The following SVEP1 variants were observed in gnomAD, a reference collection of about 807,000 sequenced individuals.
SVEP1 encodes the protein sushi, von Willebrand factor type A, EGF and pentraxin domain containing 1.
In SVEP1, 164 loss-of-function variants were observed where a neutral mutation model predicts 367.3. The ratio of observed to expected loss-of-function variants is 0.45; its 90% confidence interval spans 0.39 to 0.51. The LOEUF (loss-of-function observed/expected upper bound fraction) is 0.51, where lower values mean the gene tolerates loss of function less well. Among genes scored for constraint, SVEP1 ranks in the 20% least tolerant of loss-of-function variants. The probability of loss-of-function intolerance (pLI) is 0.00; values close to 1 mark genes in which losing one functional copy is unlikely to be tolerated. For missense variants in SVEP1, 4,117 were observed against 4,425.3 expected (o/e 0.93, Z 1.98); for synonymous variants, 1,666 against 1,611.6 (o/e 1.03, Z -0.81).
Position 110,447,057 on chromosome 9 carries a change from T to G in SVEP1, c.4104A>C (p.Arg1368Ser). Reference protein sequence around the residue: ...ATCKDGANSFRCLCAAGFTGS... With the variant: ...ATCKDGANSFSCLCAAGFTGS... ...CTGTGAAGCCAGCTGCACACAGGCA[T>G]CTGAAAGAAAACAAAATGTTGTAAC... Residue 1368 changes from arginine to serine, a missense_variant and splice_region_variant, in exon 25 of 48, where the codon AGA (arginine) becomes AGC (serine). By Grantham distance (110) the Arg-to-Ser change is moderately radical. This residue lies in a region of SVEP1 where 2,174 missense variants were observed against 2,494.3 expected (regional missense o/e 0.87). Transcript: ENST00000374469. The G allele has an allele frequency of 6.7e-7, 1 of 1,481,644 alleles. No homozygotes were observed. The highest frequency in any genetic ancestry group is 8.9e-7 in the Non-Finnish European group (1 of 1,117,742). 91.8% of individuals were successfully genotyped at this position (1,481,644 alleles called of 1,614,324 possible).
intron 5 of SVEP1, among the ~76,000 whole-genome samples, chr9:110,507,731 G>A (rs570702876): frequency 1.3e-5 from 2 of 152,242 alleles, no homozygotes; most frequent in South Asian, 4.1e-4. Context: ...CTTTTATTGA[G>A]TGTGTCCTTC....
At position 110,408,065 on chromosome 9, in the gene SVEP1, G is replaced by A. The variant is rs200375910; in HGVS notation, c.7535C>T (p.Thr2512Met). 76 of 1,613,322 alleles carry A rather than the reference G, an allele frequency of 4.7e-5. No individual in the cohort carries two copies. Among genetic ancestry groups the A allele is most frequent in the Middle Eastern group, 1.6e-4 (1 of 6,062 alleles). The stretch of plus-strand genomic sequence containing the variant: ...AACGGTCTGTCCATAGTGTAGGTCC[G>A]TGTAAGAGAATTTGCCATTCAAAAT... ...KEILNGKFSY[T>M]DLHYGQTVTY... Residue 2512 changes from threonine (T) to methionine (M), a missense_variant, in exon 38 of 48, where the codon ACG becomes ATG. This residue lies in a region of SVEP1 where 1,765 missense variants were observed against 1,781.1 expected (regional missense o/e 0.99). Transcript: ENST00000374469.
chr9:110,450,644 AT>A (rs367645595), intron 23 of SVEP1, among the ~76,000 whole-genome samples: 5,226 of 144,862 alleles, frequency 0.036, 85 homozygotes, highest in Middle Eastern at 0.062. Flanking sequence ...TAATTTTTGT[AT>A]TTTTTTTTTA....
intron 7 of SVEP1, 34 bp downstream of exon 7, chr9:110,499,007 T>A (rs376204235): frequency 5.1e-6 from 8 of 1,581,744 alleles, no homozygotes; most frequent in Non-Finnish European, 6.9e-6. Flanking sequence ...TATTAAAAAA[T>A]TTGATTTTTA....
At chr9:110,543,839 A>T (rs1267982199) in intron 3 of SVEP1, among the ~76,000 whole-genome samples, 1 of 152,144 alleles carries the variant, frequency 6.6e-6, no homozygotes, top group Admixed American at 6.6e-5. Context: ...TGGGCTGTTG[A>T]TGAGAGTGTG....
At chr9:110,534,501 CT>C (rs1440950286) in intron 3 of SVEP1, among the ~76,000 whole-genome samples, 2 of 152,144 alleles carry the variant, frequency 1.3e-5, no homozygotes, top group East Asian at 3.8e-4. Flanking sequence ...ATGCATGTGT[CT>C]TTATGGTAGA....
intron 20 of SVEP1, chr9:110,458,022 G>T (rs1828803551): frequency 7.2e-6 from 3 of 416,024 alleles, no homozygotes; most frequent in Non-Finnish European, 1.4e-5. Flanking sequence ...CTTAATTTAT[G>T]TTTCTTAATT....
chr9:110,481,925 C>G (rs993316243), intron 11 of SVEP1, among the ~76,000 whole-genome samples: 1 of 152,064 alleles, frequency 6.6e-6, no homozygotes, highest in Non-Finnish European at 1.5e-5. Context: ...ATTGGCCAGG[C>G]TGGTCTCAAA....
At chr9:110,410,184 G>T (rs1029748881) in intron 37 of SVEP1, among the ~76,000 whole-genome samples, 1 of 152,172 alleles carries the variant, frequency 6.6e-6, no homozygotes, top group Non-Finnish European at 1.5e-5. Context: ...AAGGAGAAAA[G>T]GTTGTACTGT....
At chr9:110,532,431 G>C (rs1035390574) in intron 3 of SVEP1, among the ~76,000 whole-genome samples, 1 of 152,010 alleles carries the variant, frequency 6.6e-6, no homozygotes, top group Non-Finnish European at 1.5e-5. Context: ...AGAAATGAAC[G>C]GACACACAAG....
In SVEP1 at chr9:110,434,483, C is replaced by A. The variant is rs372374743; in HGVS notation, c.4912G>T (p.Val1638Leu). The change falls in exon 30 of 48, where the codon GTG (valine) becomes TTG (leucine). Residue 1638 changes from valine to leucine, a missense_variant. By Grantham distance (32) the Val-to-Leu change is conservative. This residue lies in a region of SVEP1 where 2,174 missense variants were observed against 2,494.3 expected (regional missense o/e 0.87). Transcript: ENST00000374469. ...TCAGATGCAGTTCTCAGATGAGGCACTGACCCTCCTAAGCGTGGGCAATCT... is the reference window on the plus strand; with the variant it reads ...TCAGATGCAGTTCTCAGATGAGGCAATGACCCTCCTAAGCGTGGGCAATCT... ...CSDCPRLGGS[V>L]PHLRTASEDL... 4 of 1,613,254 alleles carry A rather than the reference C, an allele frequency of 2.5e-6. No homozygotes were observed. Among genetic ancestry groups the A allele is most frequent in the Admixed American group, 1.7e-5 (1 of 59,940 alleles).
intron 3 of SVEP1, among the ~76,000 whole-genome samples, chr9:110,544,254 A>T (rs978901261): frequency 6.6e-6 from 1 of 152,204 alleles, no homozygotes; most frequent in Non-Finnish European, 1.5e-5. Flanking sequence ...GAATAAAATA[A>T]TGTTCACACG....
chr9:110,560,997 C>CA (rs1293073971), intron 1 of SVEP1, among the ~76,000 whole-genome samples: 1 of 152,160 alleles, frequency 6.6e-6, no homozygotes, highest in Non-Finnish European at 1.5e-5. Flanking sequence ...CCTCCATCTA[C>CA]AAAATAAAAT....
intron 3 of SVEP1, among the ~76,000 whole-genome samples, chr9:110,516,971 T>G (rs1433189655): frequency 6.6e-6 from 1 of 152,144 alleles, no homozygotes; most frequent in African/African-American, 2.4e-5. Flanking sequence ...GAAATTAAGA[T>G]ACTCATAAAG....
rs2118631009 is a variant in SVEP1 at position 110,457,290 on chromosome 9, A to G, written c.3639T>C (p.Arg1213=). 2 of 1,612,882 alleles carry G rather than the reference A, an allele frequency of 1.2e-6. No individual in the cohort carries two copies. The highest frequency in any genetic ancestry group is 1.7e-6 in the Non-Finnish European group (2 of 1,179,650). The stretch of plus-strand genomic sequence containing the variant: ...CAAGTGGACAGAGACAAACATAACC[A>G]CGCCCAAGTTGCTGGCAGGTTCCAC... The part of the protein sequence containing the change: ...HNSGTCQQLG[R]GYVCLCPLGY... Residue 1213 remains arginine, a synonymous_variant, in exon 21 of 48, where the codon CGT becomes CGC. Transcript: ENST00000374469.
At position 110,499,234 on chromosome 9, in the gene SVEP1, G is replaced by A; in HGVS notation, c.1488C>T (p.Arg496=). The change falls in exon 7 of 48, where the codon CGC becomes CGT. Residue 496 remains arginine, a synonymous_variant. Transcript: ENST00000374469. ...TGGGCATCTGAAAGGTGGAACAGTG[G>A]CGCTCTACGGTAGGGAAACAGAGAG... ...WDGPEPRCVE[R]HCSTFQMPKD... is the part of the protein sequence containing the mutation. 1 of 1,611,842 alleles carries A rather than the reference G, an allele frequency of 6.2e-7. No homozygotes were observed. The highest frequency in any genetic ancestry group is 8.5e-7 in the Non-Finnish European group (1 of 1,178,582).
In SVEP1 at chr9:110,407,040, C is replaced by G. The variant is rs1271125048; in HGVS notation, c.8560G>C (p.Glu2854Gln). 6.2e-7 allele frequency: 1 copy of G among 1,613,962 alleles called. No homozygotes were observed. The highest frequency in any genetic ancestry group is 8.5e-7 in the Non-Finnish European group (1 of 1,179,878). ...VRGDEYTFQK[E>Q]IEYTCNEGFL... Reference sequence around the variant, plus strand: ...CCTTCATTGCAAGTGTATTCAATCTCTTTTTGGAATGTGTACTCGTCTCCT... The same window carrying G: ...CCTTCATTGCAAGTGTATTCAATCTGTTTTTGGAATGTGTACTCGTCTCCT... Residue 2854 changes from glutamate to glutamine, a missense_variant, in exon 38 of 48, where the codon GAG (glutamate) becomes CAG (glutamine). Coordinates refer to ENST00000374469, the MANE Select transcript of SVEP1 (RefSeq NM_153366.4).
intron 36 of SVEP1, among the ~76,000 whole-genome samples, chr9:110,424,692 TAGAC>T (rs909482826): frequency 1.6e-4 from 24 of 152,318 alleles, no homozygotes; most frequent in African/African-American, 5.8e-4. Context: ...GTTTTGTTTT[TAGAC>T]AGAGTTTCGC....
intron 22 of SVEP1, 111 bp downstream of exon 22, chr9:110,455,479 G>A: frequency 1.3e-6 from 1 of 771,386 alleles, no homozygotes; most frequent in Non-Finnish European, 2.0e-6. Flanking sequence ...TCTTCAATAT[G>A]TTTATAATAT....
Sources: allele counts gnomAD v4.1 joint callset (sites outside exome capture counted in the v4.1 genomes callset), GRCh38; gene constraint gnomAD v4.1.1; regional missense constraint gnomAD v4.1.1; transcripts MANE v1.5; gene names NCBI Gene and HGNC (gene_info 2026-07-23, HGNC 2026-07-21).